Variants in ABHD12 observed in about 807,000 individuals in gnomAD.
ABHD12 encodes the protein abhydrolase domain containing 12, lysophospholipase.
ABHD12 carries 43 observed loss-of-function variants against 58.3 expected under a neutral mutation model. The ratio of observed to expected loss-of-function variants is 0.74; its 90% CI spans 0.58 to 0.95. The LOEUF (loss-of-function observed/expected upper bound fraction) is 0.95, where lower values mean the gene tolerates loss of function less well. ABHD12 is among the 40% of genes least tolerant of loss of function. ABHD12 has a pLI of 0.00. For synonymous variants in ABHD12, 219 were observed against 211.2 expected (o/e 1.04, Z -0.32); for missense variants, 539 against 537.2 (o/e 1.00, Z -0.03).
At chr20:25,307,086 C>A (rs1057282086) in intron 9 of ABHD12, among the ~76,000 whole-genome samples, 171 bp from the exon 10 acceptor site, 4 of 152,230 alleles carry the variant, frequency 2.6e-5, no homozygotes, top group Non-Finnish European at 5.9e-5. Context: ...TGCCCTGGCA[C>A]CTTCTGCCCT....
chr20:25,327,864 T>A (rs1264984254), intron 2 of ABHD12, among the ~76,000 whole-genome samples: 1 of 152,162 alleles, frequency 6.6e-6, no homozygotes, highest in Admixed American at 6.5e-5. Context: ...ACCCTCAACT[T>A]GATGGACCAG....
At chr20:25,339,549 G>A (rs2089426473) in intron 1 of ABHD12, 198 bp from the exon 2 acceptor site, 2 of 1,414,402 alleles carry the variant, frequency 1.4e-6, no homozygotes, top group Admixed American at 1.9e-5. Flanking sequence ...TTTGGGCTTA[G>A]AACTCTACTG....
At chr20:25,294,955 G>C (rs1342239194) in exon 13 of ABHD12, 26 of 1,614,016 alleles carry the variant, frequency 1.6e-5, no homozygotes, top group South Asian at 7.7e-5. Flanking sequence ...CGATGACCGT[G>C]TCACCTGTTG....
At chr20:25,319,385 A>C (rs568800630) in intron 4 of ABHD12, among the ~76,000 whole-genome samples, 1 of 152,228 alleles carries the variant, frequency 6.6e-6, no homozygotes, top group Admixed American at 6.5e-5. Context: ...CAAAGAGTGC[A>C]TGAACTTCAG....
chr20:25,355,051 A>G (rs6037095), intron 1 of ABHD12, among the ~76,000 whole-genome samples: 86,436 of 152,080 alleles, frequency 0.57, 25,307 homozygotes, highest in African/African-American at 0.62. Flanking sequence ...ATCAGGAAAC[A>G]GGAAAAGTAA....
At chr20:25,300,185 ACCCTTCTCG>A, downstream of ABHD12, 1 of 992,142 alleles carries the variant, frequency 1.0e-6, no homozygotes, top group Non-Finnish European at 1.2e-6. Flanking sequence ...GGCAACATTG[ACCCTTCTCG>A]CGCTGCAGAG....
chr20:25,359,454 T>A (rs1036391792), intron 1 of ABHD12, among the ~76,000 whole-genome samples: 2 of 150,860 alleles, frequency 1.3e-5, no homozygotes, highest in Non-Finnish European at 2.9e-5. Context: ...AACATTTCTA[T>A]TTCACTGTTT....
intron 7 of ABHD12, among the ~76,000 whole-genome samples, chr20:25,309,032 G>A (rs1239889922): frequency 6.6e-6 from 1 of 152,214 alleles, no homozygotes; most frequent in East Asian, 1.9e-4. Context: ...GGGGCCCTGA[G>A]AGCAGAGGTT....
chr20:25,386,667 G>A (rs796850489), intron 1 of ABHD12, among the ~76,000 whole-genome samples: 1 of 152,158 alleles, frequency 6.6e-6, no homozygotes, highest in South Asian at 2.1e-4. Context: ...GATTATCTGA[G>A]GTCAGTAGGT....
intron 1 of ABHD12, among the ~76,000 whole-genome samples, chr20:25,359,555 T>G (rs558756703): frequency 1.0e-3 from 156 of 152,268 alleles, no homozygotes; most frequent in Non-Finnish European, 1.8e-3. Flanking sequence ...TCATTACTGA[T>G]GTATAATAAC....
At chr20:25,329,102 C>T (rs1240387759) in intron 2 of ABHD12, among the ~76,000 whole-genome samples, 3 of 152,208 alleles carry the variant, frequency 2.0e-5, no homozygotes, top group Non-Finnish European at 2.9e-5. Flanking sequence ...TGGCCTCCCA[C>T]GTGGTCAGAT....
chr20:25,380,071 T>A (rs141125848), intron 1 of ABHD12, among the ~76,000 whole-genome samples: 1 of 152,336 alleles, frequency 6.6e-6, no homozygotes, highest in African/African-American at 2.4e-5. Flanking sequence ...TTCCCCAGGT[T>A]TCACATTGAA....
intron 1 of ABHD12, 36 bp downstream of exon 1, chr20:25,390,477 G>GGGGGGGCC: frequency 1.0e-5 from 1 of 98,514 alleles, no homozygotes; most frequent in Non-Finnish European, 1.3e-5. Flanking sequence ...TGAGGGACCG[G>GGGGGGGCC]CCCCCCCCCC....
At chr20:25,322,565 A>G (rs1472552970) in intron 3 of ABHD12, among the ~76,000 whole-genome samples, 1 of 149,590 alleles carries the variant, frequency 6.7e-6, no homozygotes, top group Non-Finnish European at 1.5e-5. Flanking sequence ...TTTTTTTTTC[A>G]GTAGAGACGG....
downstream of ABHD12, chr20:25,295,666 AC>A: frequency 6.2e-7 from 1 of 1,613,066 alleles, no homozygotes; most frequent in Non-Finnish European, 8.5e-7. Context: ...GACCAGCTGT[AC>A]CGGGTGAGGC....
intron 6 of ABHD12, 41 bp downstream of exon 6, chr20:25,314,884 A>G: frequency 6.2e-7 from 1 of 1,610,356 alleles, no homozygotes; most frequent in Non-Finnish European, 8.5e-7. Flanking sequence ...GCCAGCAAGC[A>G]GTGGAATTGT....
chr20:25,363,824 C>T (rs772318162), intron 1 of ABHD12, among the ~76,000 whole-genome samples: 17 of 151,992 alleles, frequency 1.1e-4, no homozygotes, highest in Non-Finnish European at 2.9e-5. Context: ...GAGATTGCGC[C>T]ATTGCACTCC....
chr20:25,296,838 T>C (rs2088554640), downstream of ABHD12: 1 of 356,432 alleles, frequency 2.8e-6, no homozygotes, highest in Non-Finnish European at 5.2e-6. Context: ...CCCCAGAACT[T>C]TGCACACATC....
At chr20:25,314,279 A>C (rs2088919456) in intron 6 of ABHD12, among the ~76,000 whole-genome samples, 1 of 152,080 alleles carries the variant, frequency 6.6e-6, no homozygotes, top group Non-Finnish European at 1.5e-5. Flanking sequence ...AGCCTCTCTT[A>C]ACACTTCTTA....
Sources: allele counts gnomAD v4.1 joint callset (sites outside exome capture counted in the v4.1 genomes callset), GRCh38; gene constraint gnomAD v4.1.1; transcripts MANE v1.5; gene names NCBI Gene and HGNC (gene_info 2026-07-23, HGNC 2026-07-21).